Variants in MYO1E observed in about 807,000 individuals in gnomAD.
MYO1E encodes the protein unconventional myosin-Ie.
A neutral mutation model predicts 151.1 loss-of-function variants in MYO1E; 68 were observed. The observed-to-expected ratio is 0.45, with a 90% CI of 0.37 to 0.55. The LOEUF (loss-of-function observed/expected upper bound fraction) is 0.55. Ranked by LOEUF, MYO1E falls within the 20% of genes least tolerant of loss-of-function variation. MYO1E has a pLI of 0.00. For missense variants in MYO1E, 1,363 were observed against 1,389.3 expected, an observed-to-expected ratio of 0.98 and a Z score of 0.30; for synonymous variants, 601 against 501.7, an observed-to-expected ratio of 1.20 and a Z score of -2.64.
chr15:59,274,802 T>C (rs2080308586), intron 1 of MYO1E, among the ~76,000 whole-genome samples: 1 of 152,138 alleles, frequency 6.6e-6, no homozygotes, highest in South Asian at 2.1e-4. Context: ...CTCCTTTTTC[T>C]CATGGTAGTT....
chr15:59,151,848 C>A (rs1391919160), intron 26 of MYO1E, among the ~76,000 whole-genome samples: 1 of 151,968 alleles, frequency 6.6e-6, no homozygotes, highest in African/African-American at 2.4e-5. Context: ...GAGATCAAGA[C>A]CATCCTGGCC....
intron 2 of MYO1E, among the ~76,000 whole-genome samples, chr15:59,269,852 CAA>C (rs1161721799): frequency 7.2e-6 from 1 of 138,280 alleles, no homozygotes. Flanking sequence ...GACTCCATCT[CAA>C]AAAAAAAAAA....
chr15:59,352,594 C>T (rs147999258), intron 1 of MYO1E, among the ~76,000 whole-genome samples: 9 of 152,278 alleles, frequency 5.9e-5, no homozygotes, highest in African/African-American at 2.2e-4. Context: ...AGATGGGTAA[C>T]CTTAAACACG....
At chr15:59,356,361 C>T (rs1213884420) in intron 1 of MYO1E, among the ~76,000 whole-genome samples, 1 of 152,176 alleles carries the variant, frequency 6.6e-6, no homozygotes, top group Non-Finnish European at 1.5e-5. Context: ...AAATGAAAGG[C>T]TTGCGACATT....
At position 59,217,720 on chromosome 15, in the gene MYO1E, G is replaced by A. The variant is rs184552710; in HGVS notation, c.1107+171C>T. Among the ~76,000 whole-genome samples, 38 of 151,586 alleles carry A rather than the reference G, an allele frequency of 2.5e-4. 1 individual carries two copies. The highest frequency in any genetic ancestry group is 1.5e-3 in the Admixed American group (23 of 15,216). The stretch of plus-strand genomic sequence containing the variant: ...TTTTGTGTTTTTTTGTAGAGACAGG[G>A]TCTCACCATGTTGCAGAGGCTGGTC... On this transcript the variant is annotated intron_variant, in intron 10 of 27. Coordinates refer to ENST00000288235, the MANE Select transcript of MYO1E (RefSeq NM_004998.4).
chr15:59,295,747 C>T lies in MYO1E; in HGVS notation c.4-23298G>A, dbSNP rs535276840. Among the ~76,000 whole-genome samples the T allele has an allele frequency of 3.4e-4, 52 of 152,174 alleles. 2 individuals carry two copies. The highest frequency in any genetic ancestry group is 1.1e-3 in the African/African-American group (46 of 41,516). ...CGGTGTTACAGCGTGGAAAGGCTGG[C>T]AAAATTCCCCTCCTGCTTTGGAGGA... On this transcript the variant is annotated intron_variant, in intron 1 of 27. Transcript: ENST00000288235.
chr15:59,203,357 C>T (rs1216920178), intron 15 of MYO1E, among the ~76,000 whole-genome samples: 1 of 150,566 alleles, frequency 6.6e-6, no homozygotes, highest in African/African-American at 2.4e-5. Context: ...TAACAAATCA[C>T]CAGGCTCTGC....
At chr15:59,322,515 T>C (rs1485162091) in intron 1 of MYO1E, among the ~76,000 whole-genome samples, 1 of 152,154 alleles carries the variant, frequency 6.6e-6, no homozygotes, top group African/African-American at 2.4e-5. Context: ...GGTTAAACAA[T>C]CCAGATCATA....
intron 1 of MYO1E, among the ~76,000 whole-genome samples, chr15:59,273,793 A>G (rs1241415122): frequency 6.6e-6 from 1 of 152,222 alleles, no homozygotes; most frequent in Non-Finnish European, 1.5e-5. Flanking sequence ...AAATGCTTGC[A>G]TTCTACTGGG....
intron 1 of MYO1E, among the ~76,000 whole-genome samples, chr15:59,277,667 A>C (rs772486384): frequency 6.6e-6 from 1 of 152,302 alleles, no homozygotes; most frequent in Middle Eastern, 3.4e-3. Flanking sequence ...AAGGTTGTTC[A>C]CTGTAGCAAA....
chr15:59,170,600 A>C (rs1464156260), intron 22 of MYO1E, among the ~76,000 whole-genome samples: 6 of 152,092 alleles, frequency 3.9e-5, no homozygotes, highest in South Asian at 2.1e-4. Flanking sequence ...AAAAAAAACA[A>C]AAAAAACAAT....
intron 1 of MYO1E, among the ~76,000 whole-genome samples, chr15:59,321,742 A>T (rs897393025): frequency 5.9e-5 from 9 of 152,158 alleles, no homozygotes; most frequent in African/African-American, 2.2e-4. Context: ...ATCTACAAAA[A>T]ATACAAAAAT....
chr15:59,205,423 G>T lies in MYO1E; in HGVS notation c.1593C>A (p.Ile531=). The T allele has an allele frequency of 6.2e-7, 1 of 1,614,072 alleles. No individual in the cohort carries two copies. Among genetic ancestry groups the T allele is most frequent in the Non-Finnish European group, 8.5e-7 (1 of 1,180,014 alleles). ...ACAGCTCGCTGCTCTGCATAAGCTCGATGAGATCCATAAAAAGCACATCCC... is the reference window on the plus strand; with the variant it reads ...ACAGCTCGCTGCTCTGCATAAGCTCTATGAGATCCATAAAAAGCACATCCC... ...RNRDVLFMDL[I]ELMQSSELPF... Residue 531 remains isoleucine (I), a synonymous_variant, in exon 15 of 28, where the codon ATC becomes ATA. Coordinates refer to ENST00000288235, the MANE Select transcript of MYO1E (RefSeq NM_004998.4).
intron 1 of MYO1E, among the ~76,000 whole-genome samples, chr15:59,337,658 C>G (rs986143411): frequency 3.3e-5 from 5 of 152,094 alleles, no homozygotes; most frequent in Admixed American, 2.6e-4. Flanking sequence ...TGGAGAAACC[C>G]CGTCTCTACT....
intron 5 of MYO1E, among the ~76,000 whole-genome samples, chr15:59,232,715 T>C (rs551100838): frequency 2.6e-5 from 4 of 152,350 alleles, no homozygotes; most frequent in South Asian, 4.1e-4. Context: ...CTCTGTATCA[T>C]TGTCCTCATA....
Position 59,135,833 on chromosome 15 carries a change from T to G in MYO1E, c.*1547A>C, listed in dbSNP as rs1269718951. 2.0e-5 allele frequency: 3 copies of G among 152,178 alleles called. No individual in the cohort carries two copies. Among genetic ancestry groups the G allele is most frequent in the Admixed American group, 2.0e-4 (3 of 15,272 alleles). 9.4% of individuals were successfully genotyped at this position (152,178 alleles called of 1,614,324 possible). On this transcript the variant is annotated 3_prime_UTR_variant, in exon 28 of 28. Transcript: ENST00000288235. ...GCTATGGCACCCAGAGGAGGAAAGG[T>G]AGAGAAATGGCAGTCTCTACTTACA...
At position 59,174,208 on chromosome 15, in the gene MYO1E, C is replaced by T. The variant is rs745923850; in HGVS notation, c.2082G>A (p.Lys694=). 7.4e-6 allele frequency: 12 copies of T among 1,613,868 alleles called. No homozygotes were observed. Among genetic ancestry groups the T allele is most frequent in the Non-Finnish European group, 6.8e-6 (8 of 1,179,906 alleles). Residue 694 remains lysine, a synonymous_variant, in exon 20 of 28, where the codon AAG becomes AAA. Coordinates refer to ENST00000288235, the MANE Select transcript of MYO1E (RefSeq NM_004998.4). The stretch of plus-strand genomic sequence containing the variant: ...GTATCACTCGAGCATACCCATCATA[C>T]TTTCTCTCTCTCATCTCTTCTAAAA... The part of the protein sequence containing the change: ...LFLLEEMRER[K]YDGYARVIQK...
intron 1 of MYO1E, among the ~76,000 whole-genome samples, chr15:59,275,433 C>T (rs1452007733): frequency 6.6e-6 from 1 of 152,110 alleles, no homozygotes; most frequent in Non-Finnish European, 1.5e-5. Flanking sequence ...GTCTCCCTTC[C>T]CTGTCTCTCC....
intron 2 of MYO1E, among the ~76,000 whole-genome samples, chr15:59,270,407 C>A (rs2080282236): frequency 6.6e-6 from 1 of 151,546 alleles, no homozygotes; most frequent in Non-Finnish European, 1.5e-5. Flanking sequence ...AGCCAGGCAT[C>A]GTGGTGTCTG....
Sources: allele counts gnomAD v4.1 joint callset (sites outside exome capture counted in the v4.1 genomes callset), GRCh38; gene constraint gnomAD v4.1.1; transcripts MANE v1.5; gene names NCBI Gene and HGNC (gene_info 2026-07-23, HGNC 2026-07-21).